The following FRMD4A variants were observed in gnomAD, a reference collection of about 807,000 sequenced individuals.
FRMD4A encodes FERM domain-containing protein 4A.
Under a neutral mutation model 129.1 loss-of-function variants are expected in FRMD4A, and 29 were observed. That is an observed-to-expected ratio of 0.22 (90% CI 0.17 to 0.31). The LOEUF (loss-of-function observed/expected upper bound fraction) is 0.31. FRMD4A is among the 10% of genes least tolerant of loss of function. FRMD4A has a pLI of 1.00. For missense variants in FRMD4A, 1,272 were observed against 1,375.8 expected (o/e 0.92, Z 1.19); for synonymous variants, 634 against 571.6 (o/e 1.11, Z -1.56).
intron 2 of FRMD4A, among the ~76,000 whole-genome samples, chr10:14,241,512 G>GT (rs1163324317): frequency 6.6e-6 from 1 of 151,706 alleles, no homozygotes; most frequent in African/African-American, 2.4e-5. Context: ...TTAATTCTTG[G>GT]TTAAAAAGTA....
At chr10:13,849,432 T>C (rs183831018) in intron 3 of FRMD4A, among the ~76,000 whole-genome samples, 1 of 151,538 alleles carries the variant, frequency 6.6e-6, no homozygotes, top group Non-Finnish European at 1.5e-5. Flanking sequence ...CTTGGCAACA[T>C]GCACTTTGGG....
At chr10:14,245,705 C>G (rs1055581281) in intron 2 of FRMD4A, among the ~76,000 whole-genome samples, 1 of 152,020 alleles carries the variant, frequency 6.6e-6, no homozygotes, top group Non-Finnish European at 1.5e-5. Context: ...ATGTGAAGAC[C>G]CAGGGAGAAG....
intron 2 of FRMD4A, among the ~76,000 whole-genome samples, chr10:14,270,165 T>A (rs1342998036): frequency 6.6e-6 from 1 of 152,180 alleles, no homozygotes; most frequent in Non-Finnish European, 1.5e-5. Context: ...TTCTGAAGCC[T>A]CTGGACTTAG....
At chr10:13,757,107 A>G (rs961654974) in intron 8 of FRMD4A, among the ~76,000 whole-genome samples, 1 of 152,244 alleles carries the variant, frequency 6.6e-6, no homozygotes, top group Non-Finnish European at 1.5e-5. Flanking sequence ...GCCAATGGTC[A>G]ACAGCGATTA....
At chr10:14,038,775 G>C (rs1280664348) in intron 2 of FRMD4A, among the ~76,000 whole-genome samples, 10 of 152,190 alleles carry the variant, frequency 6.6e-5, no homozygotes, top group African/African-American at 1.9e-4. Flanking sequence ...ACTTTAGTGA[G>C]CTAAAACTTG....
intron 2 of FRMD4A, chr10:13,971,812 C>T (rs2131384793): frequency 7.7e-7 from 1 of 1,304,464 alleles, no homozygotes. Flanking sequence ...CAGCCCCAGA[C>T]TCTGCCGCCA....
intron 2 of FRMD4A, among the ~76,000 whole-genome samples, chr10:13,982,146 T>C (rs996274537): frequency 1.3e-5 from 2 of 150,350 alleles, no homozygotes; most frequent in African/African-American, 5.0e-5. Flanking sequence ...AAAATGTCAC[T>C]TGAAATTTCC....
At chr10:13,888,299 A>G (rs1313961422) in intron 2 of FRMD4A, among the ~76,000 whole-genome samples, 1 of 152,204 alleles carries the variant, frequency 6.6e-6, no homozygotes, top group African/African-American at 2.4e-5. Context: ...AAATATCTAC[A>G]TACCCTCCAC....
intron 6 of FRMD4A, among the ~76,000 whole-genome samples, chr10:13,763,092 T>C (rs905269121): frequency 3.9e-5 from 6 of 152,178 alleles, no homozygotes; most frequent in African/African-American, 1.4e-4. Flanking sequence ...TATTCAGTCC[T>C]AAACACTCCC....
At chr10:14,280,773 G>A (rs967998283) in intron 2 of FRMD4A, among the ~76,000 whole-genome samples, 17 of 152,076 alleles carry the variant, frequency 1.1e-4, no homozygotes, top group African/African-American at 4.1e-4. Flanking sequence ...AGTGAAAAGT[G>A]TGAAGTTTTG....
intron 2 of FRMD4A, among the ~76,000 whole-genome samples, chr10:14,061,699 GT>G (rs1834822730): frequency 1.3e-5 from 2 of 152,044 alleles, no homozygotes; most frequent in South Asian, 4.2e-4. Context: ...TATGGGAAAC[GT>G]TGTCCTTATG....
At chr10:14,179,004 A>G (rs1369635662) in intron 2 of FRMD4A, among the ~76,000 whole-genome samples, 3 of 152,146 alleles carry the variant, frequency 2.0e-5, no homozygotes, top group African/African-American at 7.2e-5. Context: ...TTTTGATGTC[A>G]AAAAAGAGAG....
At chr10:14,242,942 T>G (rs1042161260) in intron 2 of FRMD4A, among the ~76,000 whole-genome samples, 3 of 152,236 alleles carry the variant, frequency 2.0e-5, no homozygotes, top group African/African-American at 7.2e-5. Context: ...GACACCATGC[T>G]CATGGAAGCA....
intron 8 of FRMD4A, among the ~76,000 whole-genome samples, chr10:13,751,957 A>AGT (rs2130657015): frequency 6.6e-6 from 1 of 152,258 alleles, no homozygotes; most frequent in Non-Finnish European, 1.5e-5. Context: ...TTGACATTAG[A>AGT]GTGAGCTATG....
At chr10:13,781,499 T>C (rs1166709930) in intron 6 of FRMD4A, among the ~76,000 whole-genome samples, 1 of 147,464 alleles carries the variant, frequency 6.8e-6, no homozygotes, top group East Asian at 2.2e-4. Context: ...TGCCTCAGCC[T>C]CCCAAATACC....
intron 4 of FRMD4A, among the ~76,000 whole-genome samples, chr10:13,804,129 G>T (rs970534703): frequency 1.3e-5 from 2 of 152,322 alleles, no homozygotes; most frequent in African/African-American, 4.8e-5. Context: ...TCTGAGAGGT[G>T]GTAATGAACA....
At chr10:13,862,073 C>A (rs766490249) in intron 2 of FRMD4A, among the ~76,000 whole-genome samples, 1 of 152,134 alleles carries the variant, frequency 6.6e-6, no homozygotes, top group Non-Finnish European at 1.5e-5. Flanking sequence ...AATGGTATCA[C>A]ATTCAGAAAG....
intron 5 of FRMD4A, among the ~76,000 whole-genome samples, chr10:13,794,915 C>T (rs1194919361): frequency 4.6e-5 from 7 of 152,198 alleles, no homozygotes; most frequent in Non-Finnish European, 8.8e-5. Flanking sequence ...GCATAGAAGA[C>T]AGGCTTGCAG....
intron 3 of FRMD4A, among the ~76,000 whole-genome samples, chr10:13,824,321 C>CAAAAAAAACA (rs2093670134): frequency 2.0e-5 from 2 of 99,042 alleles, no homozygotes; most frequent in Non-Finnish European, 3.8e-5. Flanking sequence ...ACTAAAAATA[C>CAAAAAAAACA]AAAAAAAAAA....
Sources: allele counts gnomAD v4.1 joint callset (sites outside exome capture counted in the v4.1 genomes callset), GRCh38; gene constraint gnomAD v4.1.1; transcripts MANE v1.5; gene names NCBI Gene and HGNC (gene_info 2026-07-23, HGNC 2026-07-21).